Variants in ANO4 observed in about 807,000 individuals in gnomAD.
ANO4 encodes the protein anoctamin-4.
In ANO4, 69 loss-of-function variants were observed where a neutral mutation model predicts 141.9. The observed-to-expected ratio is 0.49, with a 90% CI of 0.40 to 0.59. The LOEUF (loss-of-function observed/expected upper bound fraction) is 0.59. Among genes scored for constraint, ANO4 ranks in the 20% least tolerant of loss-of-function variants. The pLI is 0.00. For synonymous variants in ANO4, 350 were observed against 394.3 expected (o/e 0.89, Z 1.33); for missense variants, 894 against 1,162.2 (o/e 0.77, Z 3.36).
At chr12:101,004,197 G>A (rs139130405) in intron 8 of ANO4, among the ~76,000 whole-genome samples, 15 of 152,032 alleles carry the variant, frequency 9.9e-5, no homozygotes, top group African/African-American at 3.6e-4. Context: ...CTGAAGTCAA[G>A]CAGATGATAA....
chr12:101,104,140 C>T (rs1377605980), intron 22 of ANO4, among the ~76,000 whole-genome samples: 2 of 151,720 alleles, frequency 1.3e-5, no homozygotes, highest in East Asian at 3.9e-4. Flanking sequence ...TAAAACAGTA[C>T]CTTAGAGGTT....
At chr12:101,033,550 C>G (rs1349440355) in intron 9 of ANO4, among the ~76,000 whole-genome samples, 1 of 151,936 alleles carries the variant, frequency 6.6e-6, no homozygotes. Context: ...AGAAGAAAAC[C>G]TAGGCAATAC....
In ANO4 at chr12:101,120,533, C is replaced by G; in HGVS notation, c.2584C>G (p.Arg862Gly). 6.2e-7 allele frequency: 1 copy of G among 1,613,902 alleles called. No individual in the cohort carries two copies. Among genetic ancestry groups the G allele is most frequent in the Non-Finnish European group, 8.5e-7 (1 of 1,179,882 alleles). The change falls in exon 26 of 28, where the codon CGT (arginine) becomes GGT (glycine). Residue 862 changes from arginine (R) to glycine (G), a missense_variant. Coordinates refer to ENST00000392977, the MANE Select transcript of ANO4 (RefSeq NM_001286615.2). ...GTGTCTTTATAGATACCGGGACTAC[C>G]GTGACCCGCCTCATTCACTGGTGCC... ...PLKYCRYRDY[R>G]DPPHSLVPYG...
intron 1 of ANO4, among the ~76,000 whole-genome samples, chr12:100,826,670 A>G (rs1189646238): frequency 2.0e-5 from 3 of 152,030 alleles, no homozygotes; most frequent in Non-Finnish European, 4.4e-5. Context: ...TGAATTTATT[A>G]GTAACATTTC....
rs565640451 is a variant in ANO4 at position 100,976,292 on chromosome 12, G to A, written c.602+1403G>A. On this transcript the variant is annotated intron_variant, in intron 7 of 27. Transcript: ENST00000392977. The stretch of plus-strand genomic sequence containing the variant: ...AAAGAGTAGTTGGTACATTATGGTG[G>A]GTTTACTCAAATGCATGTTTACTCA... Among the ~76,000 whole-genome samples the A allele has an allele frequency of 1.5e-3, 221 of 152,180 alleles. 2 individuals carry two copies. The highest frequency in any genetic ancestry group is 2.7e-3 in the Non-Finnish European group (181 of 68,012).
At chr12:101,111,478 G>T (rs1240885827) in intron 23 of ANO4, 85 bp from the exon 24 acceptor site, 4 of 1,290,810 alleles carry the variant, frequency 3.1e-6, no homozygotes, top group East Asian at 5.2e-5. Context: ...CCCATGAAAA[G>T]GACTTTTAAA....
intron 1 of ANO4, among the ~76,000 whole-genome samples, chr12:100,900,916 T>G (rs2040565605): frequency 6.6e-6 from 1 of 152,086 alleles, no homozygotes; most frequent in Non-Finnish European, 1.5e-5. Context: ...GAACAATGAG[T>G]GTTTTAAAAA....
At chr12:100,891,485 A>T (rs1168959187) in intron 1 of ANO4, among the ~76,000 whole-genome samples, 1 of 152,038 alleles carries the variant, frequency 6.6e-6, no homozygotes, top group Non-Finnish European at 1.5e-5. Flanking sequence ...CCATCATTTG[A>T]TGTTGTTGGT....
chr12:100,884,758 G>T (rs1178993206), intron 1 of ANO4, among the ~76,000 whole-genome samples: 2 of 152,080 alleles, frequency 1.3e-5, no homozygotes, highest in Admixed American at 1.3e-4. Flanking sequence ...GCAGTGGTGC[G>T]ATCTCAGCTC....
intron 1 of ANO4, among the ~76,000 whole-genome samples, chr12:100,802,065 C>G (rs2034731905): frequency 6.6e-6 from 1 of 152,078 alleles, no homozygotes; most frequent in Non-Finnish European, 1.5e-5. Flanking sequence ...GGAAGTGAAG[C>G]CGGGAAGTCT....
At chr12:100,811,486 C>T (rs929425062) in intron 1 of ANO4, among the ~76,000 whole-genome samples, 1 of 152,276 alleles carries the variant, frequency 6.6e-6, no homozygotes, top group South Asian at 2.1e-4. Context: ...CCAGGTGCCC[C>T]TTTTGTCAGA....
intron 3 of ANO4, among the ~76,000 whole-genome samples, chr12:100,783,383 CA>C: frequency 6.6e-6 from 1 of 152,288 alleles, no homozygotes; most frequent in South Asian, 2.1e-4. Flanking sequence ...ATAACTATTT[CA>C]TTCAATCCAA....
chr12:101,090,654 G>T (rs916119339), intron 17 of ANO4, among the ~76,000 whole-genome samples: 2 of 152,030 alleles, frequency 1.3e-5, no homozygotes, highest in African/African-American at 4.8e-5. Context: ...TGTAAATGAC[G>T]AGTTAACGGG....
chr12:100,748,679 A>G (rs2032224890), intron 3 of ANO4, among the ~76,000 whole-genome samples: 1 of 152,220 alleles, frequency 6.6e-6, no homozygotes, highest in Non-Finnish European at 1.5e-5. Context: ...TGATTGGCAT[A>G]GTTGAATTAG....
intron 9 of ANO4, among the ~76,000 whole-genome samples, chr12:101,025,483 A>G (rs2046696404): frequency 6.6e-6 from 1 of 152,238 alleles, no homozygotes; most frequent in African/African-American, 2.4e-5. Context: ...AGAACTGCAC[A>G]GGGCTAGAAC....
chr12:101,009,440 T>C (rs1272588600), intron 8 of ANO4, among the ~76,000 whole-genome samples: 3 of 152,116 alleles, frequency 2.0e-5, no homozygotes, highest in Admixed American at 1.3e-4. Flanking sequence ...ATGAAGTATA[T>C]GTTCATTATA....
chr12:100,897,435 G>A (rs780893617), intron 1 of ANO4, among the ~76,000 whole-genome samples: 5 of 152,204 alleles, frequency 3.3e-5, no homozygotes, highest in Non-Finnish European at 7.3e-5. Context: ...CTGGCTTTTG[G>A]CACTGTGCCA....
intron 8 of ANO4, among the ~76,000 whole-genome samples, chr12:100,995,312 G>A (rs2045320894): frequency 6.6e-6 from 1 of 152,144 alleles, no homozygotes; most frequent in African/African-American, 2.4e-5. Flanking sequence ...CCTAATCTGG[G>A]AGAAGCTCTG....
chr12:100,747,446 G>A (rs1034311331), intron 3 of ANO4, among the ~76,000 whole-genome samples: 1 of 152,250 alleles, frequency 6.6e-6, no homozygotes, highest in Middle Eastern at 3.4e-3. Context: ...CTCTGTATGT[G>A]TTCAAGACCA....
Sources: gnomAD v4.1 joint callset for allele counts (sites outside exome capture counted in the v4.1 genomes callset) on GRCh38, gnomAD v4.1.1 for gene constraint, MANE v1.5 for transcripts, NCBI Gene and HGNC (gene_info 2026-07-23, HGNC 2026-07-21) for gene names.